Variants in TRAPPC11 observed in about 807,000 individuals in gnomAD.
TRAPPC11 encodes the protein trafficking protein particle complex subunit 11.
TRAPPC11 carries 104 observed loss-of-function variants against 151.2 expected under a neutral mutation model. The observed-to-expected ratio is 0.69, with a 90% CI of 0.59 to 0.81. TRAPPC11 has a LOEUF of 0.81. Among genes scored for constraint, TRAPPC11 ranks in the 30% least tolerant of loss-of-function variants. The probability of loss-of-function intolerance (pLI) is 0.00; values close to 1 mark genes in which losing one functional copy is unlikely to be tolerated. For missense variants in TRAPPC11, 1,230 were observed against 1,349.6 expected (o/e 0.91, Z 1.39); for synonymous variants, 456 against 472.3 (o/e 0.97, Z 0.45).
intron 10 of TRAPPC11, among the ~76,000 whole-genome samples, chr4:183,680,868 CT>C (rs1359845461): frequency 6.6e-6 from 1 of 151,204 alleles, no homozygotes; most frequent in African/African-American, 2.4e-5. Flanking sequence ...AATTTTTGTA[CT>C]TTTAGTAGAG....
chr4:183,690,063 C>T (rs941075070), intron 18 of TRAPPC11, among the ~76,000 whole-genome samples: 9 of 151,924 alleles, frequency 5.9e-5, no homozygotes, highest in Admixed American at 1.3e-4. Context: ...ATTAGCTGAG[C>T]GTGGTGGCGG....
At chr4:183,680,808 A>G (rs1158154357) in intron 10 of TRAPPC11, among the ~76,000 whole-genome samples, 1 of 148,336 alleles carries the variant, frequency 6.7e-6, no homozygotes, top group Non-Finnish European at 1.5e-5. Context: ...TGCTCCTGCC[A>G]CAATCTCCTG....
At chr4:183,686,800 T>C (rs1735995199) in intron 18 of TRAPPC11, 52 bp downstream of exon 18, 3 of 1,586,926 alleles carry the variant, frequency 1.9e-6, no homozygotes, top group Middle Eastern at 1.7e-4. Flanking sequence ...TTGTAGCTTA[T>C]GTTAAACTAG....
At position 183,680,152 on chromosome 4, in the gene TRAPPC11, C is replaced by G. The variant is rs1435831897; in HGVS notation, c.998C>G (p.Ala333Gly). ...FQAFGDLFDE[A>G]IKLGLTAIQT... ...GCCTTTGGAGATTTATTTGATGAAGCTATTAAGTTAGGGTTAACAGCTATT... is the reference window on the plus strand; with the variant it reads ...GCCTTTGGAGATTTATTTGATGAAGGTATTAAGTTAGGGTTAACAGCTATT... The change falls in exon 10 of 30, where the codon GCT (alanine) becomes GGT (glycine). Residue 333 changes from alanine (A) to glycine (G), a missense_variant. Transcript: ENST00000334690. 1 of 1,613,558 alleles carries G rather than the reference C, an allele frequency of 6.2e-7. No individual in the cohort carries two copies. Among genetic ancestry groups the G allele is most frequent in the Non-Finnish European group, 8.5e-7 (1 of 1,179,828 alleles).
intron 25 of TRAPPC11, among the ~76,000 whole-genome samples, chr4:183,698,838 C>T (rs111895359): frequency 1.3e-3 from 203 of 152,204 alleles, no homozygotes; most frequent in African/African-American, 4.6e-3. Flanking sequence ...GGTTGTTGTA[C>T]GTACACTTGA....
At chr4:183,703,973 C>T (rs1180679082) in intron 26 of TRAPPC11, among the ~76,000 whole-genome samples, 1 of 152,166 alleles carries the variant, frequency 6.6e-6, no homozygotes, top group African/African-American at 2.4e-5. Context: ...CTGGGGCCCA[C>T]CTGTAAACCA....
Position 183,667,118 on chromosome 4 carries a change from C to G in TRAPPC11, c.433C>G (p.Pro145Ala), listed in dbSNP as rs747596215. Residue 145 changes from proline (P) to alanine (A), a missense_variant, in exon 4 of 30, where the codon CCT (proline) becomes GCT (alanine). Pro to Ala is a conservative substitution (Grantham distance 27). Coordinates refer to ENST00000334690, the MANE Select transcript of TRAPPC11 (RefSeq NM_021942.6). ...AGTGGTTCTGATTCAGAAGAAAACC[C>G]CTTTGCCCCCAGGTATCAGAAGTCT... ...VAVVLIQKKT[P>A]LPPGEDVIAS... 19 of 1,602,316 alleles carry G rather than the reference C, an allele frequency of 1.2e-5. No individual in the cohort carries two copies. The highest frequency in any genetic ancestry group is 1.5e-5 in the Non-Finnish European group (17 of 1,172,248).
rs1398795151 is a variant in TRAPPC11, at chr4:183,697,692, A to G, written c.2708A>G (p.Glu903Gly). Reference sequence around the variant, plus strand: ...CATTTGTGACAGTTTGAGCACCTGGAAAGGGTTTATGCTGACATCCCCTTT... The same window carrying G: ...CATTTGTGACAGTTTGAGCACCTGGGAAGGGTTTATGCTGACATCCCCTTT... ...KFVSTKFEHLERVYADIPFLL... is the reference protein window; with the variant it reads ...KFVSTKFEHLGRVYADIPFLL... Residue 903 changes from glutamate to glycine, a missense_variant, in exon 25 of 30, where the codon GAA becomes GGA. Transcript: ENST00000334690. 8.7e-6 allele frequency: 14 copies of G among 1,613,948 alleles called. No individual in the cohort carries two copies. The highest frequency in any genetic ancestry group is 1.2e-5 in the Non-Finnish European group (14 of 1,180,006).
In TRAPPC11 at chr4:183,705,084, A is replaced by G. The variant is rs1429939476; in HGVS notation, c.3055+14A>G. ...ATGTGAATGCAGGTAGCGGAATTCAAATTTTACTTGATAAGAAGGACCCAA... is the reference window on the plus strand; with the variant it reads ...ATGTGAATGCAGGTAGCGGAATTCAGATTTTACTTGATAAGAAGGACCCAA... On this transcript the variant is annotated intron_variant, in intron 27 of 29. Transcript: ENST00000334690. 22 of 1,540,194 alleles carry G rather than the reference A, an allele frequency of 1.4e-5. No homozygotes were observed. Among genetic ancestry groups the G allele is most frequent in the Non-Finnish European group, 1.9e-5 (21 of 1,120,072 alleles).
intron 10 of TRAPPC11, among the ~76,000 whole-genome samples, chr4:183,680,504 CTATT>C (rs1292532589): frequency 6.6e-6 from 1 of 152,066 alleles, no homozygotes; most frequent in East Asian, 1.9e-4. Context: ...AAGTTAGTGA[CTATT>C]TAGACAAGAG....
At chr4:183,693,883 C>A (rs768171498) in intron 21 of TRAPPC11, 34 bp from the exon 22 acceptor site, 6 of 1,606,688 alleles carry the variant, frequency 3.7e-6, no homozygotes, top group East Asian at 2.2e-5. Flanking sequence ...TGTTTGAATT[C>A]TTTGTTTTGA....
intron 11 of TRAPPC11, 52 bp from the exon 12 acceptor site, chr4:183,683,923 A>G (rs1234873062): frequency 7.1e-7 from 1 of 1,410,678 alleles, no homozygotes; most frequent in East Asian, 2.3e-5. Context: ...GTTCATATGA[A>G]GATTTATATT....
chr4:183,668,186 C>A, intron 5 of TRAPPC11, 69 bp downstream of exon 5: 1 of 852,088 alleles, frequency 1.2e-6, no homozygotes, highest in Non-Finnish European at 1.9e-6. Context: ...TAGCTTAGAC[C>A]CATTTATTTT....
intron 7 of TRAPPC11, 80 bp downstream of exon 7, chr4:183,675,317 A>G: frequency 2.4e-6 from 2 of 844,844 alleles, no homozygotes; most frequent in Non-Finnish European, 1.7e-6. Flanking sequence ...AATCTCAGCC[A>G]AAGTATAATT....
chr4:183,660,435 A>G (rs774812017), intron 1 of TRAPPC11, among the ~76,000 whole-genome samples: 7 of 152,238 alleles, frequency 4.6e-5, no homozygotes, highest in African/African-American at 9.6e-5. Context: ...TATTGTCAGT[A>G]TGATAATATT....
chr4:183,697,577 C>T lies in TRAPPC11; in HGVS notation c.2694+9C>T. ...AATTTGTTTCTACCAAGGTATGTTT[C>T]TTTGAGGCATACTAGAAATCATTTA... On this transcript the variant is annotated intron_variant, in intron 24 of 29. Transcript: ENST00000334690. The T allele has an allele frequency of 6.2e-7, 1 of 1,604,170 alleles. No homozygotes were observed. Among genetic ancestry groups the T allele is most frequent in the East Asian group, 2.2e-5 (1 of 44,766 alleles).
At chr4:183,699,980 C>T (rs1273273855) in intron 25 of TRAPPC11, among the ~76,000 whole-genome samples, 2 of 152,116 alleles carry the variant, frequency 1.3e-5, no homozygotes, top group Non-Finnish European at 2.9e-5. Flanking sequence ...CACCCACCAC[C>T]ACGCCCGGCT....
intron 18 of TRAPPC11, among the ~76,000 whole-genome samples, chr4:183,689,944 T>C (rs1193856149): frequency 6.6e-6 from 1 of 152,242 alleles, no homozygotes; most frequent in Non-Finnish European, 1.5e-5. Context: ...GGCTCACGCC[T>C]GTAATCCCAG....
At chr4:183,663,779 C>A in intron 1 of TRAPPC11, 68 bp from the exon 2 acceptor site, 1 of 443,770 alleles carries the variant, frequency 2.3e-6, no homozygotes, top group Non-Finnish European at 3.5e-6. Flanking sequence ...GCTCTTGTTG[C>A]CCAGGCTGGA....
Sources: gnomAD v4.1 joint callset for allele counts (sites outside exome capture counted in the v4.1 genomes callset) on GRCh38, gnomAD v4.1.1 for gene constraint, MANE v1.5 for transcripts, NCBI Gene and HGNC (gene_info 2026-07-23, HGNC 2026-07-21) for gene names.